MACROD2: variants seen among roughly 807,000 people sequenced by gnomAD.
The protein encoded by MACROD2 is mono-ADP ribosylhydrolase 2.
In MACROD2, 36 loss-of-function variants were observed where a neutral mutation model predicts 70.4. The ratio of observed to expected loss-of-function variants is 0.51; its 90% confidence interval spans 0.39 to 0.68. The LOEUF (loss-of-function observed/expected upper bound fraction) is 0.68. MACROD2 is among the 30% of genes least tolerant of loss of function. The pLI, the probability that MACROD2 is intolerant of heterozygous loss-of-function variation, is 0.00. For missense variants in MACROD2, 496 were observed against 538.4 expected (o/e 0.92, Z 0.78); for synonymous variants, 172 against 178.8 (o/e 0.96, Z 0.30).
chr20:15,637,192 TACATCC>T (rs1399652022), intron 8 of MACROD2, among the ~76,000 whole-genome samples: 1 of 147,624 alleles, frequency 6.8e-6, no homozygotes, highest in African/African-American at 2.5e-5. Flanking sequence ...AGCCTAGACT[TACATCC>T]TGGTCCTGAT....
At chr20:15,564,253 C>G (rs371720651) in intron 8 of MACROD2, among the ~76,000 whole-genome samples, 1 of 152,164 alleles carries the variant, frequency 6.6e-6, no homozygotes, top group East Asian at 1.9e-4. Flanking sequence ...AACCTTCGCT[C>G]ATTTTTGTCA....
chr20:15,234,587 G>A (rs2076997429), intron 6 of MACROD2, among the ~76,000 whole-genome samples: 1 of 152,184 alleles, frequency 6.6e-6, no homozygotes, highest in Non-Finnish European at 1.5e-5. Context: ...GGAATGCATA[G>A]TCAGACCAGT....
intron 5 of MACROD2, among the ~76,000 whole-genome samples, chr20:14,933,231 C>T (rs1394930204): frequency 6.6e-6 from 1 of 151,914 alleles, no homozygotes; most frequent in South Asian, 2.1e-4. Context: ...AAAATTCTTA[C>T]AATCATAGAA....
At chr20:14,623,081 C>G (rs946560839) in intron 4 of MACROD2, 10 of 151,916 alleles carry the variant, frequency 6.6e-5, no homozygotes, top group Non-Finnish European at 1.0e-4. Flanking sequence ...TACAAAGCCA[C>G]AGCCCCTTGT....
chr20:14,089,842 G>A (rs62209493), intron 3 of MACROD2, among the ~76,000 whole-genome samples: 1 of 152,002 alleles, frequency 6.6e-6, no homozygotes, highest in African/African-American at 2.4e-5. Context: ...CCCAATGGTG[G>A]CTTTGTATAT....
At chr20:15,621,088 T>C (rs767684338) in intron 8 of MACROD2, among the ~76,000 whole-genome samples, 6 of 152,264 alleles carry the variant, frequency 3.9e-5, no homozygotes, top group East Asian at 1.9e-4. Context: ...CTGAGGATAC[T>C]TGGGGATGTC....
intron 8 of MACROD2, among the ~76,000 whole-genome samples, chr20:15,770,133 T>G (rs2147015093): frequency 6.7e-6 from 1 of 148,866 alleles, no homozygotes; most frequent in Admixed American, 6.7e-5. Flanking sequence ...CTTGCTTTCT[T>G]GCCCAGGTTG....
intron 5 of MACROD2, among the ~76,000 whole-genome samples, chr20:15,109,539 A>G (rs2075938520): frequency 6.6e-6 from 1 of 152,198 alleles, no homozygotes; most frequent in African/African-American, 2.4e-5. Flanking sequence ...AGACGATTGC[A>G]AACAAAATGG....
chr20:14,870,302 G>A (rs2073473461), intron 5 of MACROD2, among the ~76,000 whole-genome samples: 1 of 152,152 alleles, frequency 6.6e-6, no homozygotes, highest in Non-Finnish European at 1.5e-5. Flanking sequence ...TGGCTGCATA[G>A]TATTCCATGG....
At position 15,029,736 on chromosome 20, in the gene MACROD2, A is replaced by G. The variant is rs368494040; in HGVS notation, c.419-200204A>G. 5.9e-4 allele frequency among the ~76,000 whole-genome samples: 90 copies of G among 152,316 alleles called. 1 individual carries two copies. Among genetic ancestry groups the G allele is most frequent in the Admixed American group, 1.2e-3 (18 of 15,308 alleles). ...CCAAGTGTATGAAGACAAAGAAACA[A>G]TATCAGGAAAAGAGGTTTATTTGAT... is the stretch of plus-strand genomic sequence containing the variant. On this transcript the variant is annotated intron_variant, in intron 5 of 17. Coordinates refer to ENST00000684519, the MANE Select transcript of MACROD2 (RefSeq NM_001351661.2).
intron 3 of MACROD2, among the ~76,000 whole-genome samples, chr20:14,449,015 C>G (rs943288725): frequency 6.6e-6 from 1 of 152,082 alleles, no homozygotes; most frequent in Non-Finnish European, 1.5e-5. Context: ...AATCTTTTCT[C>G]TGGCACAATA....
intron 10 of MACROD2, among the ~76,000 whole-genome samples, chr20:15,893,302 T>C (rs1037185060): frequency 2.6e-5 from 4 of 152,252 alleles, no homozygotes; most frequent in Non-Finnish European, 5.9e-5. Context: ...TGTTCCAAAA[T>C]TGTGCAAAAG....
intron 8 of MACROD2, among the ~76,000 whole-genome samples, chr20:15,642,946 C>T (rs192452848): frequency 2.0e-5 from 3 of 152,274 alleles, no homozygotes; most frequent in East Asian, 1.9e-4. Flanking sequence ...TATTCAACCA[C>T]GCATGGGCCC....
At chr20:15,967,391 A>G (rs531760734) in intron 12 of MACROD2, among the ~76,000 whole-genome samples, 162 bp from the exon 13 acceptor site, 27 of 152,294 alleles carry the variant, frequency 1.8e-4, no homozygotes, top group Admixed American at 4.6e-4. Flanking sequence ...ATGGGGGGAA[A>G]AAAAGCGCCT....
chr20:15,137,003 A>T (rs969575472), intron 5 of MACROD2, among the ~76,000 whole-genome samples: 46 of 149,868 alleles, frequency 3.1e-4, no homozygotes, highest in South Asian at 8.6e-4. Context: ...TCAAAACCAC[A>T]ATGAGATACC....
chr20:14,700,105 T>C (rs1230877009), intron 5 of MACROD2, among the ~76,000 whole-genome samples: 12 of 151,494 alleles, frequency 7.9e-5, no homozygotes, highest in Non-Finnish European at 1.6e-4. Context: ...AAGTTTAAAG[T>C]TTAAATTTTA....
At chr20:15,214,653 C>T (rs1048566603) in intron 5 of MACROD2, among the ~76,000 whole-genome samples, 5 of 152,200 alleles carry the variant, frequency 3.3e-5, no homozygotes, top group African/African-American at 4.8e-5. Context: ...TTGTCTATGA[C>T]AATTCCTTTA....
intron 8 of MACROD2, among the ~76,000 whole-genome samples, chr20:15,646,307 G>C (rs1442329921): frequency 6.6e-6 from 1 of 152,134 alleles, no homozygotes; most frequent in Admixed American, 6.5e-5. Flanking sequence ...ACCTTCTGAT[G>C]AGCCCCAAGC....
intron 13 of MACROD2, among the ~76,000 whole-genome samples, chr20:15,984,967 G>C (rs950674546): frequency 6.6e-6 from 1 of 152,084 alleles, no homozygotes; most frequent in African/African-American, 2.4e-5. Context: ...GTCTATGTAC[G>C]GAAACTGGCC....
Sources: gnomAD v4.1 joint callset for allele counts (sites outside exome capture counted in the v4.1 genomes callset) on GRCh38, gnomAD v4.1.1 for gene constraint, MANE v1.5 for transcripts, NCBI Gene and HGNC (gene_info 2026-07-23, HGNC 2026-07-21) for gene names.